SRRM1: variants seen among roughly 807,000 people sequenced by gnomAD.
SRRM1 encodes the protein serine/arginine repetitive matrix protein 1.
In SRRM1, 19 loss-of-function variants were observed where a neutral mutation model predicts 110.2. The observed-to-expected ratio is 0.17, with a 90% confidence interval of 0.12 to 0.25. The LOEUF is 0.25. Among genes scored for constraint, SRRM1 ranks in the 10% least tolerant of loss-of-function variants. SRRM1 has a pLI of 1.00. For missense variants in SRRM1, 918 were observed against 1,145.8 expected (o/e 0.80, Z 2.87); for synonymous variants, 443 against 414.9 (o/e 1.07, Z -0.82).
At chr1:24,646,277 C>G (rs2148182182) in intron 2 of SRRM1, among the ~76,000 whole-genome samples, 1 of 152,302 alleles carries the variant, frequency 6.6e-6, no homozygotes, top group African/African-American at 2.4e-5. Context: ...CCTGTAATCC[C>G]AGCACTTTGG....
chr1:24,652,037 T>A (rs1352454577), intron 6 of SRRM1, among the ~76,000 whole-genome samples: 52 of 113,324 alleles, frequency 4.6e-4, no homozygotes, highest in African/African-American at 2.0e-3. Context: ...AAAATATATA[T>A]ATATATATAT....
intron 12 of SRRM1, among the ~76,000 whole-genome samples, chr1:24,665,602 A>G (rs1191819088): frequency 2.0e-5 from 3 of 152,008 alleles, no homozygotes; most frequent in Non-Finnish European, 4.4e-5. Context: ...AGTCCCAGCT[A>G]CTTGGGAGGC....
intron 9 of SRRM1, among the ~76,000 whole-genome samples, chr1:24,657,810 C>T (rs1423537194): frequency 6.6e-6 from 1 of 152,158 alleles, no homozygotes; most frequent in Non-Finnish European, 1.5e-5. Context: ...ATGATCAATA[C>T]TGGTGGTGAC....
rs6660909 is a variant in SRRM1, at chr1:24,669,598, T to A, written c.2204+11T>A. ...TAAAAAGATAAAAAAGTAAAAATAT[T>A]TTATGCTTTTCCATTAGGAATACTT... On this transcript the variant is annotated intron_variant, in intron 14 of 16. Transcript: ENST00000323848. 1.3e-6 allele frequency: 2 copies of A among 1,526,214 alleles called. No homozygotes were observed. The highest frequency in any genetic ancestry group is 1.8e-6 in the Non-Finnish European group (2 of 1,129,484). The allele number at this position is 1,526,214 out of a possible 1,614,324, so 94.5% of individuals were successfully genotyped here. A position where few individuals can be genotyped will look rare whatever the true frequency, so the allele number is the denominator to read the frequency against.
chr1:24,656,737 T>C (rs1294499885), intron 9 of SRRM1, among the ~76,000 whole-genome samples: 1 of 152,218 alleles, frequency 6.6e-6, no homozygotes, highest in Non-Finnish European at 1.5e-5. Context: ...TTTTTTTCTA[T>C]TTATATCATA....
chr1:24,652,215 T>G (rs1010038054), intron 6 of SRRM1, among the ~76,000 whole-genome samples: 13 of 150,688 alleles, frequency 8.6e-5, no homozygotes, highest in Non-Finnish European at 1.6e-4. Flanking sequence ...AGTGAGACCC[T>G]GTCTCAGAAG....
chr1:24,662,405 G>C (rs77160878), intron 11 of SRRM1, among the ~76,000 whole-genome samples: 5,132 of 152,276 alleles, frequency 0.034, 134 homozygotes, highest in Middle Eastern at 0.11. Flanking sequence ...GTGAGCCACC[G>C]TGCCCAGCTC....
chr1:24,643,565 C>A (rs1655170843), intron 1 of SRRM1: 4 of 415,846 alleles, frequency 9.6e-6, no homozygotes, highest in Admixed American at 4.6e-5. Context: ...CCCTACGCGG[C>A]GGCGACGGTG....
At chr1:24,668,486 A>G (rs1671167113) in intron 13 of SRRM1, among the ~76,000 whole-genome samples, 1 of 152,232 alleles carries the variant, frequency 6.6e-6, no homozygotes, top group Non-Finnish European at 1.5e-5. Context: ...TTGTAAAGCT[A>G]ACTCTGGGCA....
At chr1:24,643,692 A>G (rs1335757322) in intron 1 of SRRM1, 1 of 336,962 alleles carries the variant, frequency 3.0e-6, no homozygotes, top group Non-Finnish European at 5.4e-6. Context: ...GCGGAGCCGG[A>G]GGAGGAAGTC....
chr1:24,646,644 T>TA, intron 2 of SRRM1, 23 bp from the exon 3 acceptor site: 1 of 1,550,958 alleles, frequency 6.4e-7, no homozygotes, highest in East Asian at 2.3e-5. Context: ...AAGTTGTACT[T>TA]AATTGTTTCT....
chr1:24,656,200 C>T (rs1664011525), intron 9 of SRRM1, among the ~76,000 whole-genome samples: 1 of 152,194 alleles, frequency 6.6e-6, no homozygotes, highest in South Asian at 2.1e-4. Flanking sequence ...GTTGCCTTAT[C>T]TCCCCACTCC....
At chr1:24,644,141 C>T (rs534879275) in intron 1 of SRRM1, among the ~76,000 whole-genome samples, 4 of 152,254 alleles carry the variant, frequency 2.6e-5, no homozygotes, top group Non-Finnish European at 4.4e-5. Context: ...TAACTCTTAC[C>T]TAGGCTCTGC....
intron 8 of SRRM1, among the ~76,000 whole-genome samples, chr1:24,653,490 A>G (rs1402810371): frequency 4.6e-5 from 7 of 152,170 alleles, no homozygotes; most frequent in Admixed American, 6.5e-5. Flanking sequence ...GAAGTAATGA[A>G]GCTTATAAGT....
At chr1:24,644,148 C>G (rs1194057540) in intron 1 of SRRM1, among the ~76,000 whole-genome samples, 1 of 152,162 alleles carries the variant, frequency 6.6e-6, no homozygotes, top group African/African-American at 2.4e-5. Flanking sequence ...TACCTAGGCT[C>G]TGCCAGCGTC....
In SRRM1 at chr1:24,659,181, C is replaced by T. The variant is rs901858381; in HGVS notation, c.1316-1538C>T. Among the ~76,000 whole-genome samples the T allele has an allele frequency of 3.7e-4, 55 of 149,052 alleles. 1 individual carries two copies. The highest frequency in any genetic ancestry group is 1.2e-3 in the African/African-American group (47 of 40,234). ...TGCACTCCAGCCTAGGCAACAAGAG[C>T]GAAACTCTGTCTCAAAAAAAAAAAA... is the stretch of plus-strand genomic sequence containing the variant. On this transcript the variant is annotated intron_variant, in intron 9 of 16. Transcript: ENST00000323848.
chr1:24,663,125 C>T (rs1386548455), intron 12 of SRRM1: 2 of 1,421,100 alleles, frequency 1.4e-6, no homozygotes, highest in Non-Finnish European at 1.9e-6. Context: ...TTAATCCACC[C>T]AAGTAAATAA....
At chr1:24,649,797 A>G (rs1487918442) in intron 4 of SRRM1, among the ~76,000 whole-genome samples, 174 bp from the exon 5 acceptor site, 8 of 152,232 alleles carry the variant, frequency 5.3e-5, no homozygotes, top group Non-Finnish European at 8.8e-5. Flanking sequence ...ATGAGTGGCG[A>G]TAATACCAGT....
intron 5 of SRRM1, among the ~76,000 whole-genome samples, chr1:24,651,102 T>C (rs1431970501): frequency 6.6e-6 from 1 of 152,252 alleles, no homozygotes; most frequent in Non-Finnish European, 1.5e-5. Context: ...ATTGTTTGCT[T>C]TAAAGCATCC....
Sources: gnomAD v4.1 joint callset for allele counts (sites outside exome capture counted in the v4.1 genomes callset) on GRCh38, gnomAD v4.1.1 for gene constraint, MANE v1.5 for transcripts, NCBI Gene and HGNC (gene_info 2026-07-23, HGNC 2026-07-21) for gene names.